The following CDK15 variants were observed in gnomAD, a reference collection of about 807,000 sequenced individuals.
CDK15 encodes the protein cyclin dependent kinase 15, also known as cyclin-dependent kinase 15.
In CDK15, 62 loss-of-function variants were observed where a neutral mutation model predicts 60.3. The ratio of observed to expected loss-of-function variants is 1.03; its 90% CI spans 0.84 to 1.27. The LOEUF (loss-of-function observed/expected upper bound fraction) is 1.27, where lower values mean the gene tolerates loss of function less well. CDK15 is among the 50% of genes most tolerant of loss of function. The pLI, the probability that CDK15 is intolerant of heterozygous loss-of-function variation, is 0.00. For synonymous variants in CDK15, 194 were observed against 195.7 expected, an observed-to-expected ratio of 0.99 and a Z score of 0.07; for missense variants, 541 against 527.8, an observed-to-expected ratio of 1.03 and a Z score of -0.25.
At position 201,845,460 on chromosome 2, in the gene CDK15, G is replaced by A. The variant is rs139850085; in HGVS notation, c.852-1921G>A. Among the ~76,000 whole-genome samples, 67 of 151,850 alleles carry A rather than the reference G, an allele frequency of 4.4e-4. 1 individual carries two copies. The East Asian group carries it at 0.012, about 28-fold the overall frequency. The stretch of plus-strand genomic sequence containing the variant: ...CAATCAATGAAAAGTAATCTAAACA[G>A]TGTTTGTCAGGCCAGGCACAGTGGC... On this transcript the variant is annotated intron_variant, in intron 8 of 13. Coordinates refer to ENST00000652192, the MANE Select transcript of CDK15 (RefSeq NM_001366386.2).
intron 3 of CDK15, among the ~76,000 whole-genome samples, chr2:201,810,862 T>C (rs1016920551): frequency 7.3e-6 from 1 of 136,290 alleles, no homozygotes; most frequent in Non-Finnish European, 1.5e-5. Flanking sequence ...TTTTTTTTTC[T>C]CAGATGGAGT....
chr2:201,810,837 CTTTTTTTTTT>C (rs199591982), intron 3 of CDK15, among the ~76,000 whole-genome samples: 30,111 of 123,706 alleles, frequency 0.24, 3,455 homozygotes, highest in East Asian at 0.43. Flanking sequence ...GGTATGCACT[CTTTTTTTTTT>C]TTTTTTTTTT....
intron 6 of CDK15, among the ~76,000 whole-genome samples, chr2:201,827,045 C>A (rs1333923625): frequency 6.6e-6 from 1 of 152,234 alleles, no homozygotes; most frequent in East Asian, 1.9e-4. Flanking sequence ...TGCCATACTG[C>A]ATTTCTAGTT....
intron 8 of CDK15, among the ~76,000 whole-genome samples, chr2:201,838,879 T>A (rs909935931): frequency 1.2e-4 from 18 of 152,216 alleles, no homozygotes; most frequent in Non-Finnish European, 2.1e-4. Flanking sequence ...CATATCTTTT[T>A]AAAAATAATC....
chr2:201,833,686 T>A (rs1282255204), intron 6 of CDK15, among the ~76,000 whole-genome samples, 162 bp from the exon 7 acceptor site: 1 of 144,972 alleles, frequency 6.9e-6, no homozygotes, highest in Admixed American at 7.1e-5. Context: ...TTCTTCCCCC[T>A]CTGAATGTAA....
At chr2:201,864,936 A>G (rs1482029802) in intron 10 of CDK15, among the ~76,000 whole-genome samples, 1 of 152,198 alleles carries the variant, frequency 6.6e-6, no homozygotes, top group African/African-American at 2.4e-5. Flanking sequence ...AGTTGCCCAA[A>G]GGAGAGAGTG....
chr2:201,853,408 ATC>A (rs1697995892), intron 9 of CDK15, among the ~76,000 whole-genome samples: 1 of 152,206 alleles, frequency 6.6e-6, no homozygotes, highest in South Asian at 2.1e-4. Context: ...TAAAAAGTAC[ATC>A]TCTCAGCCAG....
Position 201,880,121 on chromosome 2 carries a change from T to G in CDK15, c.1152T>G (p.His384Gln). Residue 384 changes from histidine (H) to glutamine (Q), a missense_variant, in exon 12 of 14, where the codon CAT becomes CAG. Coordinates refer to ENST00000652192, the MANE Select transcript of CDK15 (RefSeq NM_001366386.2). ...DRVSAQEALVHDYFSALPSQL... is the reference protein window; with the variant it reads ...DRVSAQEALVQDYFSALPSQL... ...TCTCCGCCCAGGAAGCACTTGTTCA[T>G]GATTATTTCAGCGCCCTGCCATCTC... The G allele has an allele frequency of 6.2e-7, 1 of 1,614,074 alleles. No homozygotes were observed. Among genetic ancestry groups the G allele is most frequent in the Non-Finnish European group, 8.5e-7 (1 of 1,179,998 alleles).
chr2:201,869,666 A>C (rs1026958434), intron 10 of CDK15, among the ~76,000 whole-genome samples: 4 of 152,124 alleles, frequency 2.6e-5, no homozygotes, highest in Non-Finnish European at 5.9e-5. Flanking sequence ...TAAGTCAGCT[A>C]ACCCCCAACC....
chr2:201,849,849 G>A (rs1011689198), intron 9 of CDK15, among the ~76,000 whole-genome samples: 2 of 151,912 alleles, frequency 1.3e-5, no homozygotes, highest in Non-Finnish European at 2.9e-5. Flanking sequence ...TTTTGAGAAG[G>A]AGTCTTGCTC....
chr2:201,870,517 T>A (rs1698810348), intron 10 of CDK15, among the ~76,000 whole-genome samples: 3 of 76,716 alleles, frequency 3.9e-5, no homozygotes. Flanking sequence ...GAGACCAGCC[T>A]GGACAAAAAA....
intron 3 of CDK15, among the ~76,000 whole-genome samples, chr2:201,810,773 A>C (rs1315915626): frequency 6.6e-6 from 1 of 151,920 alleles, no homozygotes; most frequent in African/African-American, 2.4e-5. Flanking sequence ...CCTGACCAAC[A>C]CTATCTCAGA....
intron 12 of CDK15, chr2:201,888,758 CT>C: frequency 1.7e-6 from 2 of 1,194,804 alleles, no homozygotes; most frequent in South Asian, 2.9e-5. Flanking sequence ...GGAGCTGCTG[CT>C]TTTGAGGGGC....
At chr2:201,892,826 G>C (rs887239475) in intron 13 of CDK15, among the ~76,000 whole-genome samples, 1 of 152,210 alleles carries the variant, frequency 6.6e-6, no homozygotes, top group Non-Finnish European at 1.5e-5. Flanking sequence ...CTTTTCAGGA[G>C]AGTCAAAATG....
intron 12 of CDK15, among the ~76,000 whole-genome samples, chr2:201,884,783 A>G (rs929072580): frequency 6.6e-6 from 1 of 152,230 alleles, no homozygotes; most frequent in African/African-American, 2.4e-5. Flanking sequence ...TGGGAGAATC[A>G]TGTTCCATTC....
At chr2:201,836,668 T>TTG (rs1697104717) in intron 8 of CDK15, among the ~76,000 whole-genome samples, 2 of 151,606 alleles carry the variant, frequency 1.3e-5, no homozygotes, top group South Asian at 4.2e-4. Flanking sequence ...CCTTGACACC[T>TTG]TATCCACAGA....
chr2:201,881,875 G>A (rs1382266508), intron 12 of CDK15, among the ~76,000 whole-genome samples: 1 of 152,000 alleles, frequency 6.6e-6, no homozygotes, highest in African/African-American at 2.4e-5. Flanking sequence ...TCATGCAAGT[G>A]TACACGCTTG....
At chr2:201,861,699 T>C (rs909525386) in intron 10 of CDK15, 2 of 211,596 alleles carry the variant, frequency 9.5e-6, no homozygotes, top group African/African-American at 4.7e-5. Flanking sequence ...TAGGTGGGAA[T>C]ACAGGCGCAC....
At position 201,835,641 on chromosome 2, in the gene CDK15, A is replaced by G; in HGVS notation, c.731-2A>G. On this transcript the variant is annotated splice_acceptor_variant, in intron 7 of 13. Transcript: ENST00000652192. LOFTEE classifies it high-confidence loss of function. ...GGTTTTATGCTTTTCCCTTTTGGAC[A>G]GGTCTTGCCCGGGCCAAGTCCATTC... 2 of 1,602,474 alleles carry G rather than the reference A, an allele frequency of 1.2e-6. No individual in the cohort carries two copies. The highest frequency in any genetic ancestry group is 1.7e-6 in the Non-Finnish European group (2 of 1,172,554).
Sources: allele counts gnomAD v4.1 joint callset (sites outside exome capture counted in the v4.1 genomes callset), GRCh38; gene constraint gnomAD v4.1.1; transcripts MANE v1.5; gene names NCBI Gene and HGNC (gene_info 2026-07-23, HGNC 2026-07-21).